The following IGFN1 variants were observed in gnomAD, a reference collection of about 807,000 sequenced individuals.
The protein encoded by IGFN1 is immunoglobulin like and fibronectin type III domain containing 1, also known as immunoglobulin-like and fibronectin type III domain-containing protein 1.
IGFN1 carries 253 observed loss-of-function variants against 289.5 expected under a neutral mutation model. That is an observed-to-expected ratio of 0.87 (90% CI 0.79 to 0.97). IGFN1 has a LOEUF of 0.97. IGFN1 is among the 50% of genes least tolerant of loss of function. The pLI is 0.00. For synonymous variants in IGFN1, 1,706 were observed against 1,788.5 expected (o/e 0.95, Z 1.16); for missense variants, 4,470 against 4,686.1 (o/e 0.95, Z 1.35).
chr1:201,221,335 G>A (rs1481015550), intron 18 of IGFN1, 109 bp from the exon 19 acceptor site: 3 of 852,346 alleles, frequency 3.5e-6, no homozygotes, highest in Non-Finnish European at 5.3e-6. Context: ...AGGCAGAATT[G>A]CTAAGTGAAA....
At chr1:201,200,448 ACC>A (rs1259326094) in intron 8 of IGFN1, 37 bp downstream of exon 8, 2 of 1,502,110 alleles carry the variant, frequency 1.3e-6, no homozygotes, top group Admixed American at 3.9e-5. Flanking sequence ...CTCCATGCCC[ACC>A]CCACACACCT....
At chr1:201,197,366 A>C in intron 5 of IGFN1, 49 bp downstream of exon 5, 2 of 1,193,790 alleles carry the variant, frequency 1.7e-6, no homozygotes, top group South Asian at 2.6e-5. Flanking sequence ...GCAGAGACCC[A>C]CAGAGGAATC....
rs1421662509 is a variant in IGFN1, at chr1:201,221,382, A to G, written c.9899-62A>G. 11 of 1,270,690 alleles carry G rather than the reference A, an allele frequency of 8.7e-6. No homozygotes were observed. The African/African-American group carries it at 1.5e-4, about 17-fold the overall frequency. The allele number at this position is 1,270,690 out of a possible 1,614,324, so 78.7% of individuals were successfully genotyped here. A position where few individuals can be genotyped will look rare whatever the true frequency, so the allele number is the denominator to read the frequency against. On this transcript the variant is annotated intron_variant, in intron 18 of 23. Transcript: ENST00000335211. ...TCTCCCACAAGGAAGGCTAATCAATATCCACACTGAGTGGCCTCCCTCAGG... is the reference window on the plus strand; with the variant it reads ...TCTCCCACAAGGAAGGCTAATCAATGTCCACACTGAGTGGCCTCCCTCAGG...
chr1:201,216,440 C>T lies in IGFN1; in HGVS notation c.9296-14C>T. ...TGACCCCTCCTCTTCCCGCTCCTCT[C>T]TGTGGGTCCCCAGACAAGCCTGATC... is the stretch of plus-strand genomic sequence containing the variant. On this transcript the variant is annotated splice_polypyrimidine_tract_variant and intron_variant, in intron 15 of 23. Transcript: ENST00000335211. 1 of 1,535,090 alleles carries T rather than the reference C, an allele frequency of 6.5e-7. No individual in the cohort carries two copies. Among genetic ancestry groups the T allele is most frequent in the Non-Finnish European group, 8.7e-7 (1 of 1,145,674 alleles).
intron 2 of IGFN1, 53 bp downstream of exon 2, chr1:201,193,353 G>T: frequency 7.3e-7 from 1 of 1,364,396 alleles, no homozygotes; most frequent in Non-Finnish European, 1.0e-6. Context: ...ATCCTTACCA[G>T]GACAGAGAGG....
At chr1:201,199,933 C>CA (rs1667075151) in intron 7 of IGFN1, among the ~76,000 whole-genome samples, 1 of 145,054 alleles carries the variant, frequency 6.9e-6, no homozygotes, top group Non-Finnish European at 1.5e-5. Context: ...CAATGATGTA[C>CA]TTTTTTTTTT....
At chr1:201,224,594 C>T in intron 20 of IGFN1, 85 bp from the exon 21 acceptor site, 1 of 1,139,838 alleles carries the variant, frequency 8.8e-7, no homozygotes, top group Non-Finnish European at 1.3e-6. Flanking sequence ...CTCACCGCTT[C>T]TACCTTTGGC....
In IGFN1 at chr1:201,199,641, T is replaced by C. The variant is rs1422190682; in HGVS notation, c.445T>C (p.Leu149=). 6 of 1,551,410 alleles carry C rather than the reference T, an allele frequency of 3.9e-6. No individual in the cohort carries two copies. The highest frequency in any genetic ancestry group is 3.6e-5 in the South Asian group (3 of 84,036). The part of the protein sequence containing the change: ...LRKELMDFRK[L]LKKRAPPAPK... ...GAAGGAGCTGATGGACTTCCGGAAG[T>C]TGCTGAAAAAGAGGTGGGTTTGGGC... The change falls in exon 7 of 24, where the codon TTG becomes CTG. Residue 149 remains leucine, a synonymous_variant. Coordinates refer to ENST00000335211, the MANE Select transcript of IGFN1 (RefSeq NM_001164586.2).
In IGFN1 at chr1:201,208,843, G is replaced by A. The variant is rs780412941; in HGVS notation, c.3950G>A (p.Gly1317Glu). ...GGTGTAGGGGGTTCTGGGGCAATGG[G>A]GTCAATGGATGAAGCAGGTTATAGG... ...RDGVGGSGAM[G>E]SMDEAGYRKD... Residue 1317 changes from glycine to glutamate, a missense_variant, in exon 12 of 24, where the codon GGG becomes GAG. This residue lies in a region of IGFN1 where 2,011 missense variants were observed against 1,953.4 expected (regional missense o/e 1.03). Transcript: ENST00000335211. 2 of 1,536,730 alleles carry A rather than the reference G, an allele frequency of 1.3e-6. No homozygotes were observed. Among genetic ancestry groups the A allele is most frequent in the African/African-American group, 1.4e-5 (1 of 73,010 alleles).
chr1:201,227,987 G>A (rs760940757), intron 23 of IGFN1, among the ~76,000 whole-genome samples: 22 of 152,086 alleles, frequency 1.4e-4, no homozygotes, highest in Non-Finnish European at 2.5e-4. Context: ...TTTTTCCTTC[G>A]ATAGTACTTA....
At position 201,211,674 on chromosome 1, in the gene IGFN1, G is replaced by T; in HGVS notation, c.6781G>T (p.Gly2261Cys). 2.0e-6 allele frequency: 3 copies of T among 1,537,054 alleles called. No individual in the cohort carries two copies. The highest frequency in any genetic ancestry group is 2.6e-6 in the Non-Finnish European group (3 of 1,146,826). ...RKDLGAPEEM[G>C]SGSYTDYRNG... ...GGATTTGGGAGCTCCTGAGGAAATG[G>T]GTTCAGGCAGTTACACAGATTACAG... The change falls in exon 12 of 24, where the codon GGT (glycine) becomes TGT (cysteine). Residue 2261 changes from glycine (G) to cysteine (C), a missense_variant. Transcript: ENST00000335211.
In IGFN1 at chr1:201,212,118, G is replaced by C. The variant is rs1373335566; in HGVS notation, c.7225G>C (p.Ala2409Pro). 1 of 1,536,502 alleles carries C rather than the reference G, an allele frequency of 6.5e-7. No homozygotes were observed. Among genetic ancestry groups the C allele is most frequent in the Non-Finnish European group, 8.7e-7 (1 of 1,146,778 alleles). Residue 2409 changes from alanine to proline, a missense_variant, in exon 12 of 24, where the codon GCC (alanine) becomes CCC (proline). Transcript: ENST00000335211. ...GAACTCCAAGGATGGTCCAGAGCGA[G>C]CCAGGGAAACCAGGCTTGTGGATGG... ...DTNSKDGPER[A>P]RETRLVDGAG... is the part of the protein sequence containing the mutation.
chr1:201,194,355 T>C (rs765313702), intron 3 of IGFN1, 82 bp downstream of exon 3: 69 of 1,467,474 alleles, frequency 4.7e-5, no homozygotes, highest in Non-Finnish European at 6.3e-5. Context: ...GGCACCAACC[T>C]TCCTGGGGAC....
Position 201,190,882 on chromosome 1 carries a change from A to C in IGFN1, c.-73A>C, listed in dbSNP as rs781454538. ...AAACGGGGAAGAGGGAGCAGACAGG[A>C]AGCGGGAGGTCAGCTGTACACCCAG... On this transcript the variant is annotated 5_prime_UTR_variant, in exon 1 of 24. Transcript: ENST00000335211. The C allele has an allele frequency of 2.0e-5, 3 of 152,630 alleles. No individual in the cohort carries two copies. Among genetic ancestry groups the C allele is most frequent in the African/African-American group, 7.2e-5 (3 of 41,448 alleles). 9.5% of individuals were successfully genotyped at this position (152,630 alleles called of 1,614,324 possible).
Position 201,225,876 on chromosome 1 carries a change from GGTGACGGCCGA to G in IGFN1, c.10543_10553del (p.Thr3515GlyfsTer5). 6.2e-7 allele frequency: 1 copy of G among 1,613,058 alleles called. No homozygotes were observed. The highest frequency in any genetic ancestry group is 8.5e-7 in the Non-Finnish European group (1 of 1,179,736). On this transcript the variant is annotated frameshift_variant, in exon 22 of 24. Coordinates refer to ENST00000335211, the MANE Select transcript of IGFN1 (RefSeq NM_001164586.2). LOFTEE classifies it high-confidence loss of function. The stretch of plus-strand genomic sequence containing the variant: ...ACCTGCAGGAGAACGTGCCTGGGAC[GGTGACGGCCGA>G]GTGGGAACCCTCTCCTGACGAGGCC...
In IGFN1 at chr1:201,199,590, ATTCC is replaced by A. The variant is rs1257403353; in HGVS notation, c.413-17_413-14del. The A allele has an allele frequency of 2.1e-5, 32 of 1,549,978 alleles. No individual in the cohort carries two copies. Among genetic ancestry groups the A allele is most frequent in the Non-Finnish European group, 2.8e-5 (32 of 1,146,044 alleles). ...TCATCCCACCTGGGACTGAGGCCTC[ATTCC>A]TGCTCCTTTTTCAGACCTCAGGAAG... On this transcript the variant is annotated splice_polypyrimidine_tract_variant and intron_variant, in intron 6 of 23. Coordinates refer to ENST00000335211, the MANE Select transcript of IGFN1 (RefSeq NM_001164586.2).
chr1:201,195,298 C>T (rs768000509), intron 3 of IGFN1, among the ~76,000 whole-genome samples: 11 of 152,174 alleles, frequency 7.2e-5, no homozygotes, highest in Non-Finnish European at 1.2e-4. Flanking sequence ...ATTACAGGCA[C>T]ATGCCACCAA....
At chr1:201,193,370 G>A (rs1666743706) in intron 2 of IGFN1, 70 bp downstream of exon 2, 2 of 1,142,002 alleles carry the variant, frequency 1.8e-6, no homozygotes, top group African/African-American at 3.1e-5. Flanking sequence ...GAGGAGAGAA[G>A]TGGTAGGGAT....
chr1:201,200,285 G>A lies in IGFN1; in HGVS notation c.507G>A (p.Gln169=). The change falls in exon 8 of 24, where the codon CAG becomes CAA. Residue 169 remains glutamine, a synonymous_variant. Coordinates refer to ENST00000335211, the MANE Select transcript of IGFN1 (RefSeq NM_001164586.2). The part of the protein sequence containing the change: ...KKKMDLEQIW[Q]LLMTADRKDY... ...AGATGGACCTTGAGCAGATATGGCA[G>A]CTGCTGATGACAGCAGACAGGAAGG... 6.4e-7 allele frequency: 1 copy of A among 1,551,656 alleles called. No individual in the cohort carries two copies. The highest frequency in any genetic ancestry group is 1.2e-5 in the South Asian group (1 of 84,066).
Sources: allele counts gnomAD v4.1 joint callset (sites outside exome capture counted in the v4.1 genomes callset), GRCh38; gene constraint gnomAD v4.1.1; regional missense constraint gnomAD v4.1.1; transcripts MANE v1.5; gene names NCBI Gene and HGNC (gene_info 2026-07-23, HGNC 2026-07-21).